The following HIVEP3 variants were observed in gnomAD, a reference collection of about 807,000 sequenced individuals.
HIVEP3 encodes the protein transcription factor HIVEP3.
Under a neutral mutation model 152.8 loss-of-function variants are expected in HIVEP3, and 49 were observed. The ratio of observed to expected loss-of-function variants is 0.32; its 90% confidence interval spans 0.26 to 0.41. HIVEP3 has a LOEUF of 0.41. Ranked by LOEUF, HIVEP3 falls within the 10% of genes least tolerant of loss-of-function variation. HIVEP3 has a pLI of 1.00. For synonymous variants in HIVEP3, 1,269 were observed against 1,289.0 expected (o/e 0.98, Z 0.33); for missense variants, 2,790 against 3,103.3 (o/e 0.90, Z 2.40).
At chr1:41,526,804 C>T (rs1320741530) in intron 5 of HIVEP3, among the ~76,000 whole-genome samples, 1 of 147,662 alleles carries the variant, frequency 6.8e-6, no homozygotes, top group Non-Finnish European at 1.5e-5. Context: ...CACGCTCACC[C>T]TCACACATAC....
At chr1:41,590,584 C>T (rs1405486590) in intron 3 of HIVEP3, among the ~76,000 whole-genome samples, 1 of 152,206 alleles carries the variant, frequency 6.6e-6, no homozygotes, top group Non-Finnish European at 1.5e-5. Context: ...AGCAAAGCCA[C>T]CTGCCCCTGA....
chr1:41,975,562 T>A (rs138998949), intron 1 of HIVEP3, among the ~76,000 whole-genome samples: 3,144 of 152,368 alleles, frequency 0.021, 64 homozygotes, highest in Non-Finnish European at 0.025. Context: ...ATTACAGTGC[T>A]GTATTTCTTT....
At chr1:41,516,538 A>T (rs575570254) in intron 7 of HIVEP3, among the ~76,000 whole-genome samples, 2 of 152,150 alleles carry the variant, frequency 1.3e-5, no homozygotes, top group South Asian at 4.1e-4. Context: ...CTCCCTCCGG[A>T]ACCTCCCCAG....
upstream of HIVEP3, among the ~76,000 whole-genome samples, chr1:41,919,542 A>G (rs1359402653): frequency 6.6e-6 from 1 of 152,166 alleles, no homozygotes; most frequent in East Asian, 1.9e-4. Flanking sequence ...TTTCAACCAG[A>G]ATCAGGAATC....
chr1:41,916,866 C>T (rs1429128492), intron 1 of HIVEP3, among the ~76,000 whole-genome samples: 5 of 152,040 alleles, frequency 3.3e-5, no homozygotes, highest in Non-Finnish European at 5.9e-5. Context: ...AACTGGAGGC[C>T]CTGCAGGGGT....
At chr1:41,857,447 A>G (rs1055398136) in intron 1 of HIVEP3, among the ~76,000 whole-genome samples, 3 of 152,160 alleles carry the variant, frequency 2.0e-5, no homozygotes, top group Non-Finnish European at 2.9e-5. Context: ...CATGAAATCA[A>G]TTTAAGTGAT....
intron 1 of HIVEP3, among the ~76,000 whole-genome samples, chr1:41,815,784 T>C (rs1161611683): frequency 6.6e-6 from 1 of 152,020 alleles, no homozygotes; most frequent in Non-Finnish European, 1.5e-5. Context: ...GTTGTTGTTT[T>C]TTGAGACAGA....
chr1:41,715,953 G>C (rs973154151), intron 1 of HIVEP3, among the ~76,000 whole-genome samples: 1 of 152,278 alleles, frequency 6.6e-6, no homozygotes, highest in Non-Finnish European at 1.5e-5. Flanking sequence ...TCACATGGAA[G>C]TGGACGGTGG....
At chr1:41,659,211 C>T (rs1316841454) in intron 2 of HIVEP3, among the ~76,000 whole-genome samples, 3 of 152,160 alleles carry the variant, frequency 2.0e-5, no homozygotes, top group Non-Finnish European at 4.4e-5. Flanking sequence ...ATATTCTTTC[C>T]CCAAAGCTTT....
In HIVEP3 at chr1:41,758,148, G is replaced by A. The variant is rs1056292177; in HGVS notation, c.-800-57153C>T. Among the ~76,000 whole-genome samples, 3 of 152,200 alleles carry A rather than the reference G, an allele frequency of 2.0e-5. No homozygotes were observed. The South Asian group carries it at 6.2e-4, about 32-fold the overall frequency. ...GGCAAAGGTGGGGGTGGTGCAGTTG[G>A]ATGACATCCAACCAAGGCTGCCTTC... is the stretch of plus-strand genomic sequence containing the variant. On this transcript the variant is annotated intron_variant, in intron 1 of 8. Transcript: ENST00000372583.
intron 1 of HIVEP3, among the ~76,000 whole-genome samples, chr1:41,884,789 C>T (rs1644317250): frequency 6.7e-6 from 1 of 150,306 alleles, no homozygotes; most frequent in Non-Finnish European, 1.5e-5. Flanking sequence ...TGCTCCAGCA[C>T]CCCCACCCAC....
At chr1:42,009,180 C>A (rs960358091) in intron 1 of HIVEP3, among the ~76,000 whole-genome samples, 1 of 152,198 alleles carries the variant, frequency 6.6e-6, no homozygotes, top group Non-Finnish European at 1.5e-5. Flanking sequence ...AGTTTACTTT[C>A]CCTTAAAACT....
chr1:42,033,230 C>T (rs895979253), intron 1 of HIVEP3, among the ~76,000 whole-genome samples: 5 of 152,192 alleles, frequency 3.3e-5, no homozygotes, highest in African/African-American at 1.2e-4. Flanking sequence ...GTGATGCCTC[C>T]TGCAAAGTGA....
intron 1 of HIVEP3, among the ~76,000 whole-genome samples, chr1:41,747,795 G>T (rs936104170): frequency 3.9e-5 from 6 of 152,136 alleles, no homozygotes; most frequent in African/African-American, 1.4e-4. Flanking sequence ...ACTATTGCTG[G>T]TTTTACAGTA....
intron 3 of HIVEP3, among the ~76,000 whole-genome samples, chr1:41,587,408 C>G (rs1644520574): frequency 6.6e-6 from 1 of 152,174 alleles, no homozygotes; most frequent in African/African-American, 2.4e-5. Context: ...TCTCAGTCAA[C>G]AGGGTGGCCA....
chr1:41,794,052 T>G (rs1056822936), intron 1 of HIVEP3, among the ~76,000 whole-genome samples: 1 of 152,242 alleles, frequency 6.6e-6, no homozygotes, highest in African/African-American at 2.4e-5. Flanking sequence ...TAAGTAATCC[T>G]GTATTAGTCA....
intron 1 of HIVEP3, among the ~76,000 whole-genome samples, chr1:41,844,479 A>T (rs1557439008): frequency 6.6e-6 from 1 of 152,188 alleles, no homozygotes; most frequent in Admixed American, 6.5e-5. Flanking sequence ...GTATCGCTAG[A>T]CGTCATCCGA....
intron 2 of HIVEP3, among the ~76,000 whole-genome samples, chr1:41,646,146 G>A (rs909941354): frequency 1.3e-5 from 2 of 152,168 alleles, no homozygotes; most frequent in African/African-American, 4.8e-5. Flanking sequence ...TTACTCCTGG[G>A]CTGTATCTCT....
At chr1:41,752,019 G>A (rs960513877) in intron 1 of HIVEP3, among the ~76,000 whole-genome samples, 2 of 152,158 alleles carry the variant, frequency 1.3e-5, no homozygotes, top group Admixed American at 1.3e-4. Context: ...AGACTGCTGG[G>A]GAGGTGATGG....
Sources: gnomAD v4.1 joint callset for allele counts (sites outside exome capture counted in the v4.1 genomes callset) on GRCh38, gnomAD v4.1.1 for gene constraint, MANE v1.5 for transcripts, NCBI Gene and HGNC (gene_info 2026-07-23, HGNC 2026-07-21) for gene names.